SNRNP200: variants seen among roughly 807,000 people sequenced by gnomAD.
SNRNP200 encodes the protein U5 small nuclear ribonucleoprotein 200 kDa helicase.
In SNRNP200, 66 loss-of-function variants were observed where a neutral mutation model predicts 255.2. The observed-to-expected ratio is 0.26, with a 90% confidence interval of 0.21 to 0.32. The LOEUF is 0.32. Ranked by LOEUF, SNRNP200 falls within the 10% of genes least tolerant of loss-of-function variation. SNRNP200 has a pLI of 1.00. For missense variants in SNRNP200, 1,585 were observed against 2,749.8 expected, an observed-to-expected ratio of 0.58 and a Z score of 9.47; for synonymous variants, 939 against 1,027.8, an observed-to-expected ratio of 0.91 and a Z score of 1.65.
rs1420370770 is a variant in SNRNP200 at position 96,277,349 on chromosome 2, G to T, written c.5932-108C>A. On this transcript the variant is annotated intron_variant, in intron 41 of 44. Coordinates refer to ENST00000323853, the MANE Select transcript of SNRNP200 (RefSeq NM_014014.5). The surrounding 1 kb of genome is among the most constrained non-coding windows in gnomAD (Gnocchi z 4.4). ...ACCTCCTACACTATCAAGTCATCTAGATAAAACAGCTGCAGAAAGAACACA... is the reference window on the plus strand; with the variant it reads ...ACCTCCTACACTATCAAGTCATCTATATAAAACAGCTGCAGAAAGAACACA... 1.4e-5 allele frequency: 19 copies of T among 1,353,414 alleles called. No homozygotes were observed. The highest frequency in any genetic ancestry group is 1.9e-5 in the Non-Finnish European group (18 of 948,970). 83.8% of individuals were successfully genotyped at this position (1,353,414 alleles called of 1,614,324 possible).
chr2:96,300,849 A>G, intron 5 of SNRNP200, 149 bp downstream of exon 5: 1 of 677,748 alleles, frequency 1.5e-6, no homozygotes, highest in East Asian at 2.8e-5. Flanking sequence ...TTTTTTAAGC[A>G]AAAGAACATA....
chr2:96,296,846 G>C (rs2063920059), intron 12 of SNRNP200, 87 bp downstream of exon 12: 3 of 1,572,406 alleles, frequency 1.9e-6, no homozygotes, highest in Non-Finnish European at 2.6e-6. Flanking sequence ...AAAGAATTAG[G>C]GGGTGGGGGT....
intron 35 of SNRNP200, 51 bp from the exon 36 acceptor site, chr2:96,279,610 A>G: frequency 4.1e-6 from 5 of 1,228,878 alleles, no homozygotes; most frequent in Non-Finnish European, 6.0e-6. Flanking sequence ...CACGGAGACC[A>G]TGCTCAGGAA....
rs1158430356 is a variant in SNRNP200, at chr2:96,277,318, A to C, written c.5932-77T>G. On this transcript the variant is annotated intron_variant, in intron 41 of 44. Transcript: ENST00000323853. The surrounding 1 kb of genome is among the most constrained non-coding windows in gnomAD (Gnocchi z 4.4). ...ATGACACAGGCAGCAAAGAGCTACT[A>C]ATTTTACCTCCTACACTATCAAGTC... 7 of 1,492,454 alleles carry C rather than the reference A, an allele frequency of 4.7e-6. No individual in the cohort carries two copies. The African/African-American group carries it at 9.6e-5, about 21-fold the overall frequency. The allele number at this position is 1,492,454 out of a possible 1,614,324, so 92.5% of individuals were successfully genotyped here.
intron 13 of SNRNP200, 59 bp downstream of exon 13, chr2:96,296,477 T>C: frequency 6.4e-7 from 1 of 1,574,262 alleles, no homozygotes; most frequent in Non-Finnish European, 8.7e-7. Flanking sequence ...TCCAGGCCTG[T>C]CCACAACACT....
rs529761828 is a variant in SNRNP200, at chr2:96,290,584, A to G, written c.2554-70T>C. On this transcript the variant is annotated intron_variant, in intron 19 of 44. Coordinates refer to ENST00000323853, the MANE Select transcript of SNRNP200 (RefSeq NM_014014.5). This position sits in a 1 kb window ranked among gnomAD's most constrained non-coding sequence, Gnocchi z 4.5. ...TCTGAATTTTGATGCAGGTATCTAC[A>G]TTACAGAACTAGACCTCTGATCTGC... The G allele has an allele frequency of 8.4e-4, 1,356 of 1,611,992 alleles. 2 individuals carry two copies. The highest frequency in any genetic ancestry group is 1.1e-3 in the Non-Finnish European group (1,291 of 1,178,072).
rs1214096724 is a variant in SNRNP200, at chr2:96,297,538, TG to T, written c.1204-3del. 1.9e-6 allele frequency: 3 copies of T among 1,613,958 alleles called. No homozygotes were observed. Among genetic ancestry groups the T allele is most frequent in the South Asian group, 1.1e-5 (1 of 91,064 alleles). ...CAGAACCTGCCGTGGAGCCAGTGCC[TG>T]GGAATGTGAAAGACAAAAACACAAA... On this transcript the variant is annotated splice_region_variant and splice_polypyrimidine_tract_variant and intron_variant, in intron 10 of 44. Transcript: ENST00000323853.
At chr2:96,302,442 A>G (rs2063959070) in intron 3 of SNRNP200, among the ~76,000 whole-genome samples, 1 of 152,204 alleles carries the variant, frequency 6.6e-6, no homozygotes, top group South Asian at 2.1e-4. Context: ...ATACTGAAAT[A>G]AAGCAAACTT....
Position 96,274,872 on chromosome 2 carries a change from A to G in SNRNP200, c.*140T>C. 1.1e-6 allele frequency: 1 copy of G among 874,952 alleles called. No individual in the cohort carries two copies. The allele number at this position is 874,952 out of a possible 1,614,324, so 54.2% of individuals were successfully genotyped here. On this transcript the variant is annotated 3_prime_UTR_variant, in exon 45 of 45. Transcript: ENST00000323853. ...AGAGTGAGCAAGGGAAAGGAAGTGG[A>G]GGTAGGCGGGGACAGCACCAGCCCT...
At position 96,298,406 on chromosome 2, in the gene SNRNP200, A is replaced by G; in HGVS notation, c.997T>C (p.Leu333=). The change falls in exon 9 of 45, where the codon TTG becomes CTG. Residue 333 remains leucine, a synonymous_variant. Coordinates refer to ENST00000323853, the MANE Select transcript of SNRNP200 (RefSeq NM_014014.5). ...QHRMMILYCT[L]LASAQSEAEK... is the part of the protein sequence containing the mutation. ...GCTTCACTTTGTGCACTGGCCAGCA[A>G]GGTACAGTATAAAACTACCCACAAC... 6.2e-7 allele frequency: 1 copy of G among 1,614,196 alleles called. No homozygotes were observed. Among genetic ancestry groups the G allele is most frequent in the Admixed American group, 1.7e-5 (1 of 60,022 alleles).
intron 14 of SNRNP200, among the ~76,000 whole-genome samples, chr2:96,293,798 T>C (rs2063899532): frequency 6.6e-6 from 1 of 152,322 alleles, no homozygotes; most frequent in Middle Eastern, 3.4e-3. Context: ...GTAAACTTCT[T>C]TATGAAAAAG....
chr2:96,277,897 G>A lies in SNRNP200; in HGVS notation c.5664C>T (p.His1888=), dbSNP rs139731897. 4.7e-3 allele frequency: 7,589 copies of A among 1,614,230 alleles called. 33 individuals are homozygous for A. The highest frequency in any genetic ancestry group is 5.6e-3 in the Non-Finnish European group (6,575 of 1,180,046). Residue 1888 remains histidine (H), a synonymous_variant, in exon 40 of 45, where the codon CAC becomes CAT. Transcript: ENST00000323853. This position sits in a 1 kb window ranked among gnomAD's most constrained non-coding sequence, Gnocchi z 4.4. ...KLNNPKFNDP[H]VKTNLLLQAH... ...CCTGCAGGAGCAGGTTGGTCTTGAC[G>A]TGCGGATCATTGAACTTAGGGTTAT...
At position 96,301,537 on chromosome 2, in the gene SNRNP200, T is replaced by C. The variant is rs757621101; in HGVS notation, c.561A>G (p.Glu187=). 1 of 1,614,194 alleles carries C rather than the reference T, an allele frequency of 6.2e-7. No individual in the cohort carries two copies. Among genetic ancestry groups the C allele is most frequent in the South Asian group, 1.1e-5 (1 of 91,074 alleles). Reference sequence around the variant, plus strand: ...GCGCGCACTTACCCATATTTTGGATTTCCTTATCTCCACCATAGTCTGTGA... The same window carrying C: ...GCGCGCACTTACCCATATTTTGGATCTCCTTATCTCCACCATAGTCTGTGA... ...KKITDYGGDK[E]IQNMDDNIDE... Residue 187 remains glutamate (E), a synonymous_variant, in exon 4 of 45, where the codon GAA becomes GAG. Transcript: ENST00000323853.
chr2:96,276,969 C>G lies in SNRNP200; in HGVS notation c.6109G>C (p.Val2037Leu). 6.2e-7 allele frequency: 1 copy of G among 1,613,960 alleles called. No individual in the cohort carries two copies. The highest frequency in any genetic ancestry group is 8.5e-7 in the Non-Finnish European group (1 of 1,180,026). The stretch of plus-strand genomic sequence containing the variant: ...TCCTCTCGCTCCAGCTGCACCAGCA[C>G]CACAACTGGCCCGCCACTGCAGGGG... ...DSIRSGGPVV[V>L]LVQLEREEEV... The change falls in exon 43 of 45, where the codon GTG becomes CTG. Residue 2037 changes from valine (V) to leucine (L), a missense_variant. Around this residue, in one of 9 missense-constraint regions of SNRNP200, gnomAD observed 279 missense variants for 551.2 expected, o/e 0.51. Transcript: ENST00000323853.
rs1249323189 is a variant in SNRNP200, at chr2:96,284,001, C to A, written c.4396G>T (p.Val1466Phe). 1.3e-6 allele frequency: 2 copies of A among 1,586,756 alleles called. No homozygotes were observed. The highest frequency in any genetic ancestry group is 1.7e-6 in the Non-Finnish European group (2 of 1,166,998). The change falls in exon 32 of 45, where the codon GTC becomes TTC. Residue 1466 changes from valine to phenylalanine, a missense_variant. Physicochemically the swap from Val to Phe is conservative, Grantham distance 50 (BLOSUM62 -1). This residue lies in a region of SNRNP200 where 719 missense variants were observed against 1,091.1 expected (regional missense o/e 0.66). Coordinates refer to ENST00000323853, the MANE Select transcript of SNRNP200 (RefSeq NM_014014.5). ...VHLIGGENGP[V>F]LEVICSRMRY... is the part of the protein sequence containing the mutation. Reference sequence around the variant, plus strand: ...ATTCGGGAGCAGATCACTTCTAAGACAGGCTGGAAAGAGGGAGGGAGGGAG... The same window carrying A: ...ATTCGGGAGCAGATCACTTCTAAGAAAGGCTGGAAAGAGGGAGGGAGGGAG...
At position 96,278,078 on chromosome 2, in the gene SNRNP200, G is replaced by T; in HGVS notation, c.5611-128C>A. ...ACCCTGAGGCATGTGGGTGGTAATG[G>T]GATGGAGATGGGTTTGAGGGAGGTA... On this transcript the variant is annotated intron_variant, in intron 39 of 44. Transcript: ENST00000323853. The surrounding 1 kb of genome is among the most constrained non-coding windows in gnomAD (Gnocchi z 6.9). The T allele has an allele frequency of 6.6e-7, 1 of 1,526,134 alleles. No homozygotes were observed. Among genetic ancestry groups the T allele is most frequent in the Non-Finnish European group, 9.1e-7 (1 of 1,102,928 alleles). The allele number at this position is 1,526,134 out of a possible 1,614,324, so 94.5% of individuals were successfully genotyped here.
At position 96,286,627 on chromosome 2, in the gene SNRNP200, G is replaced by A; in HGVS notation, c.3829+61C>T. On this transcript the variant is annotated intron_variant, in intron 28 of 44. Coordinates refer to ENST00000323853, the MANE Select transcript of SNRNP200 (RefSeq NM_014014.5). This position sits in a 1 kb window ranked among gnomAD's most constrained non-coding sequence, Gnocchi z 4.8. ...AGGGCAAGCCCGGGACAAAGTGCAA[G>A]ACATTCTTCTACTGTCCTTGGAGGG... 1.9e-6 allele frequency: 3 copies of A among 1,600,892 alleles called. No homozygotes were observed. Among genetic ancestry groups the A allele is most frequent in the Non-Finnish European group, 8.5e-7 (1 of 1,170,534 alleles).
chr2:96,301,431 A>G, intron 4 of SNRNP200, 93 bp downstream of exon 4: 3 of 1,317,420 alleles, frequency 2.3e-6, no homozygotes, highest in Non-Finnish European at 2.2e-6. Flanking sequence ...ACTCACTGAC[A>G]TTAAGGTTTT....
At chr2:96,288,939 A>G in intron 23 of SNRNP200, 98 bp downstream of exon 23, 10 of 1,198,306 alleles carry the variant, frequency 8.3e-6, no homozygotes, top group South Asian at 1.3e-5. Context: ...ACTGAGCAGG[A>G]AACCACACAT....
Sources: gnomAD v4.1 joint callset for allele counts (sites outside exome capture counted in the v4.1 genomes callset) on GRCh38, gnomAD v4.1.1 for gene constraint, gnomAD v4.1.1 regional missense constraint, Gnocchi (gnomAD v3.1) non-coding constraint, MANE v1.5 for transcripts, NCBI Gene and HGNC (gene_info 2026-07-23, HGNC 2026-07-21) for gene names.